The following SLC37A1 variants were observed in gnomAD, a reference collection of about 807,000 sequenced individuals.
The protein encoded by SLC37A1 is glucose-6-phosphate exchanger SLC37A1.
SLC37A1 carries 49 observed loss-of-function variants against 75.3 expected under a neutral mutation model. The observed-to-expected ratio is 0.65, with a 90% CI of 0.52 to 0.83. The LOEUF is 0.83. Among genes scored for constraint, SLC37A1 ranks in the 40% least tolerant of loss-of-function variants. SLC37A1 has a pLI of 0.00. For missense variants in SLC37A1, 566 were observed against 695.0 expected (o/e 0.81, Z 2.09); for synonymous variants, 268 against 292.1 (o/e 0.92, Z 0.84).
intron 18 of SLC37A1, among the ~76,000 whole-genome samples, chr21:42,578,274 T>TGG (rs1296492387): frequency 6.6e-6 from 1 of 152,194 alleles, no homozygotes; most frequent in African/African-American, 2.4e-5. Flanking sequence ...CCTGGGCTCC[T>TGG]GGAGTTGGTA....
chr21:42,572,061 G>A (rs2056186746), intron 17 of SLC37A1, among the ~76,000 whole-genome samples: 1 of 152,208 alleles, frequency 6.6e-6, no homozygotes, highest in South Asian at 2.1e-4. Flanking sequence ...GTTAGGGGAG[G>A]TGGGTTCTGC....
chr21:42,571,104 C>T (rs1175704730), intron 17 of SLC37A1, among the ~76,000 whole-genome samples: 3 of 152,212 alleles, frequency 2.0e-5, no homozygotes, highest in Non-Finnish European at 4.4e-5. Flanking sequence ...CCCACCCCCA[C>T]CACCACGCCT....
intron 10 of SLC37A1, among the ~76,000 whole-genome samples, chr21:42,557,052 C>A (rs944891227): frequency 2.6e-5 from 4 of 152,226 alleles, no homozygotes; most frequent in African/African-American, 9.6e-5. Flanking sequence ...CCGTGGGCGG[C>A]CTTTGGGCAT....
chr21:42,566,982 C>G lies in SLC37A1; in HGVS notation c.1271-3C>G. 1 of 1,606,062 alleles carries G rather than the reference C, an allele frequency of 6.2e-7. No homozygotes were observed. The highest frequency in any genetic ancestry group is 8.5e-7 in the Non-Finnish European group (1 of 1,179,760). On this transcript the variant is annotated splice_polypyrimidine_tract_variant and splice_region_variant and intron_variant, in intron 15 of 19. Transcript: ENST00000352133. ...CCATTCTTTGCCCCTCTGCCTCCCA[C>G]AGCCATGCTGCTGCTCAGCGGAGCC...
At chr21:42,525,688 A>C in intron 2 of SLC37A1, 88 bp from the exon 3 acceptor site, 1 of 881,354 alleles carries the variant, frequency 1.1e-6, no homozygotes, top group Middle Eastern at 3.0e-4. Context: ...AATACACAGC[A>C]TAAGAACGTT....
intron 3 of SLC37A1, among the ~76,000 whole-genome samples, chr21:42,532,014 G>T (rs1421084103): frequency 6.6e-6 from 1 of 152,088 alleles, no homozygotes; most frequent in Non-Finnish European, 1.5e-5. Context: ...TCCGATTATG[G>T]TCCATCTTTA....
intron 14 of SLC37A1, among the ~76,000 whole-genome samples, 191 bp downstream of exon 14, chr21:42,564,984 C>T (rs1352397057): frequency 2.6e-5 from 4 of 152,294 alleles, no homozygotes; most frequent in Non-Finnish European, 5.9e-5. Flanking sequence ...CCCTCTGCCA[C>T]GTGCACAGCT....
intron 17 of SLC37A1, among the ~76,000 whole-genome samples, chr21:42,569,186 G>A (rs1311763673): frequency 1.3e-5 from 2 of 152,216 alleles, no homozygotes; most frequent in Admixed American, 1.3e-4. Flanking sequence ...CAGTAAAGCC[G>A]AGTGTTTGGT....
At chr21:42,541,459 C>T (rs890998896) in intron 6 of SLC37A1, among the ~76,000 whole-genome samples, 1 of 152,150 alleles carries the variant, frequency 6.6e-6, no homozygotes, top group African/African-American at 2.4e-5. Flanking sequence ...GCCCTGGTTT[C>T]GTGCAGTCTT....
chr21:42,540,809 G>C (rs2055261433), intron 6 of SLC37A1, among the ~76,000 whole-genome samples: 1 of 152,204 alleles, frequency 6.6e-6, no homozygotes, highest in Admixed American at 6.5e-5. Context: ...CATAACACTT[G>C]AAAAAGTTTG....
intron 7 of SLC37A1, 73 bp from the exon 8 acceptor site, chr21:42,543,363 C>T: frequency 6.4e-7 from 1 of 1,572,676 alleles, no homozygotes; most frequent in Non-Finnish European, 8.7e-7. Flanking sequence ...GCAGGCACTG[C>T]TGCGCCCTGC....
chr21:42,534,750 G>C lies in SLC37A1; in HGVS notation c.191G>C (p.Ser64Thr). Residue 64 changes from serine (S) to threonine (T), a missense_variant, in exon 4 of 20, where the codon AGC becomes ACC. Ser to Thr is a moderately conservative substitution (Grantham distance 58, BLOSUM62 1). Coordinates refer to ENST00000352133, the MANE Select transcript of SLC37A1 (RefSeq NM_001320537.2). Reference protein sequence around the residue: ...TAWDEADVRFSSQNRKSGSAA... With the variant: ...TAWDEADVRFTSQNRKSGSAA... ...TGGGATGAAGCTGACGTCAGGTTCA[G>C]CAGCCAGAACAGGAAGTCTGGGTCC... 6.2e-7 allele frequency: 1 copy of C among 1,614,032 alleles called. No homozygotes were observed. Among genetic ancestry groups the C allele is most frequent in the Non-Finnish European group, 8.5e-7 (1 of 1,179,968 alleles).
chr21:42,569,563 G>A (rs1185477440), intron 17 of SLC37A1, among the ~76,000 whole-genome samples: 1 of 85,520 alleles, frequency 1.2e-5, no homozygotes, highest in Non-Finnish European at 2.7e-5. Flanking sequence ...GCACTCCCTC[G>A]TGCCTTGAGT....
At chr21:42,569,991 C>T (rs2056087246) in intron 17 of SLC37A1, among the ~76,000 whole-genome samples, 1 of 151,848 alleles carries the variant, frequency 6.6e-6, no homozygotes, top group Admixed American at 6.5e-5. Flanking sequence ...TGGCCTTGTT[C>T]TGAGAAGCGG....
At chr21:42,564,607 G>A in intron 13 of SLC37A1, 101 bp from the exon 14 acceptor site, 1 of 900,040 alleles carries the variant, frequency 1.1e-6, no homozygotes, top group Admixed American at 1.8e-5. Flanking sequence ...GAGGGGCTTG[G>A]GAAAGGAGGA....
Position 42,547,181 on chromosome 21 carries a change from C to T in SLC37A1, c.768+41C>T, listed in dbSNP as rs368428944. 49 of 1,611,118 alleles carry T rather than the reference C, an allele frequency of 3.0e-5. No homozygotes were observed. Among genetic ancestry groups the T allele is most frequent in the African/African-American group, 2.4e-4 (18 of 74,858 alleles). On this transcript the variant is annotated intron_variant, in intron 9 of 19. Transcript: ENST00000352133. This position sits in a 1 kb window ranked among gnomAD's most constrained non-coding sequence, Gnocchi z 6.1. ...TCTTGTCCTTTTCTAGAACAGTGTG[C>T]GGTTCTGACCACTTCCCCAGCCTGC...
At chr21:42,556,656 T>G (rs186334062) in intron 10 of SLC37A1, among the ~76,000 whole-genome samples, 3 of 152,134 alleles carry the variant, frequency 2.0e-5, no homozygotes, top group African/African-American at 7.2e-5. Flanking sequence ...CAGATCCCAT[T>G]TGGGGCTCTT....
At chr21:42,557,925 C>T (rs1182260303) in intron 10 of SLC37A1, among the ~76,000 whole-genome samples, 1 of 152,174 alleles carries the variant, frequency 6.6e-6, no homozygotes, top group African/African-American at 2.4e-5. Context: ...AACCTCATAG[C>T]TCACTCATGA....
At chr21:42,540,701 C>T (rs1172808025) in intron 6 of SLC37A1, among the ~76,000 whole-genome samples, 1 of 152,152 alleles carries the variant, frequency 6.6e-6, no homozygotes, top group Non-Finnish European at 1.5e-5. Context: ...ATGCTCATCT[C>T]GGGCTTTGTG....
Sources: allele counts gnomAD v4.1 joint callset (sites outside exome capture counted in the v4.1 genomes callset), GRCh38; gene constraint gnomAD v4.1.1; non-coding constraint Gnocchi (gnomAD v3.1); transcripts MANE v1.5; gene names NCBI Gene and HGNC (gene_info 2026-07-23, HGNC 2026-07-21).